The following CNIH3 variants were observed in gnomAD, a reference collection of about 807,000 sequenced individuals.
CNIH3 encodes cornichon family AMPA receptor auxiliary protein 3, also known as protein cornichon homolog 3.
CNIH3 carries 14 observed loss-of-function variants against 24.1 expected under a neutral mutation model. That is an observed-to-expected ratio of 0.58 (90% CI 0.38 to 0.91). CNIH3 has a LOEUF of 0.91. Among genes scored for constraint, CNIH3 ranks in the 40% least tolerant of loss-of-function variants. The pLI, the probability that CNIH3 is intolerant of heterozygous loss-of-function variation, is 0.00. For missense variants in CNIH3, 178 were observed against 196.8 expected (o/e 0.90, Z 0.57); for synonymous variants, 68 against 73.8 (o/e 0.92, Z 0.40).
rs372833361 is a variant in CNIH3, at chr1:224,636,815, AT to A, written c.81+19563del. 3.6e-3 allele frequency among the ~76,000 whole-genome samples: 542 copies of A among 152,314 alleles called. 3 individuals carry two copies. Among genetic ancestry groups the A allele is most frequent in the Non-Finnish European group, 5.2e-3 (353 of 68,030 alleles). The stretch of plus-strand genomic sequence containing the variant: ...CATATAATATTCAGCCAATCTCCAT[AT>A]TTAAGATATTGCTTAGCCCTGAGGA... On this transcript the variant is annotated intron_variant, in intron 1 of 5. Transcript: ENST00000272133.
intron 3 of CNIH3, among the ~76,000 whole-genome samples, chr1:224,727,841 A>C (rs1463356743): frequency 6.6e-6 from 1 of 152,122 alleles, no homozygotes; most frequent in African/African-American, 2.4e-5. Flanking sequence ...TGTTCTAGGC[A>C]TAAGAGGTCA....
chr1:224,633,856 T>C (rs1401911545), intron 1 of CNIH3, among the ~76,000 whole-genome samples: 1 of 152,260 alleles, frequency 6.6e-6, no homozygotes, highest in Non-Finnish European at 1.5e-5. Context: ...TTCGGCTCTT[T>C]GGTTTAATTT....
intron 3 of CNIH3, among the ~76,000 whole-genome samples, chr1:224,557,631 A>G (rs1680197796): frequency 6.6e-6 from 1 of 151,918 alleles, no homozygotes; most frequent in Admixed American, 6.6e-5. Context: ...TAATTTTTGT[A>G]TTTTTAGTAG....
chr1:224,458,318 G>C lies in CNIH3; in HGVS notation n.203+23456G>C, dbSNP rs1202423579. On this transcript the variant is annotated intron_variant and non_coding_transcript_variant, in intron 1 of 5. Transcript: ENST00000471578. The surrounding 1 kb of genome is among the most constrained non-coding windows in gnomAD (Gnocchi z 4.3). ...AAGGCAGCAGTGCTCTGTCAGTATT[G>C]ATTCTTCAGGGGCAGGCTGCCCACT... Among the ~76,000 whole-genome samples, 1 of 152,182 alleles carries C rather than the reference G, an allele frequency of 6.6e-6. No individual in the cohort carries two copies. The highest frequency in any genetic ancestry group is 6.5e-5 in the Admixed American group (1 of 15,282).
At chr1:224,557,496 C>T (rs774527586) in intron 3 of CNIH3, among the ~76,000 whole-genome samples, 8 of 152,016 alleles carry the variant, frequency 5.3e-5, no homozygotes, top group Non-Finnish European at 1.0e-4. Flanking sequence ...GACAGAGTCT[C>T]GCTCTGTCGC....
At chr1:224,445,142 G>A (rs890461830) in intron 1 of CNIH3, among the ~76,000 whole-genome samples, 3 of 152,078 alleles carry the variant, frequency 2.0e-5, no homozygotes, top group African/African-American at 7.2e-5. Context: ...ATGACTAATG[G>A]TGTGTGTATA....
chr1:224,605,652 G>A (rs907292526), intron 3 of CNIH3, among the ~76,000 whole-genome samples: 1 of 152,076 alleles, frequency 6.6e-6, no homozygotes, highest in African/African-American at 2.4e-5. Context: ...TTCTTTTCAG[G>A]TTTTTGCATT....
At chr1:224,709,859 C>T (rs777840798) in intron 3 of CNIH3, among the ~76,000 whole-genome samples, 5 of 152,106 alleles carry the variant, frequency 3.3e-5, no homozygotes, top group Non-Finnish European at 5.9e-5. Context: ...TTCTGAGATC[C>T]CTGGTGGAGA....
chr1:224,568,997 T>A (rs1272845556), intron 4 of CNIH3, among the ~76,000 whole-genome samples: 5 of 152,090 alleles, frequency 3.3e-5, no homozygotes, highest in Non-Finnish European at 7.4e-5. Context: ...CTCAGCCTCC[T>A]GAGTAGCTGG....
At chr1:224,457,668 T>G (rs1026196266) in intron 1 of CNIH3, among the ~76,000 whole-genome samples, 1 of 152,182 alleles carries the variant, frequency 6.6e-6, no homozygotes, top group African/African-American at 2.4e-5. Context: ...CTTGTAACTT[T>G]CCAGTCGTAA....
chr1:224,682,045 C>A (rs373269592), intron 2 of CNIH3, among the ~76,000 whole-genome samples: 1 of 152,070 alleles, frequency 6.6e-6, no homozygotes, highest in Non-Finnish European at 1.5e-5. Context: ...ATGTTTGTGG[C>A]GTCATTCAGC....
intron 3 of CNIH3, among the ~76,000 whole-genome samples, chr1:224,563,460 G>GGTGT (rs55836837): frequency 0.12 from 16,887 of 146,312 alleles, 1,187 homozygotes; most frequent in African/African-American, 0.2. Context: ...TTTTAGACGG[G>GGTGT]GTGTGTGTGT....
In CNIH3 at chr1:224,604,870, G is replaced by A. The variant is rs1299266109; in HGVS notation, n.402+38606G>A. ...GAGGATACACTGGACATTGAACAGT[G>A]AGGAGGGCAGAGAAGAGTTTTACTG... On this transcript the variant is annotated intron_variant and non_coding_transcript_variant, in intron 3 of 7. Transcript: ENST00000478120. This position sits in a 1 kb window ranked among gnomAD's most constrained non-coding sequence, Gnocchi z 4.4. 6.6e-6 allele frequency among the ~76,000 whole-genome samples: 1 copy of A among 152,182 alleles called. No homozygotes were observed. The highest frequency in any genetic ancestry group is 1.5e-5 in the Non-Finnish European group (1 of 68,030).
intron 2 of CNIH3, among the ~76,000 whole-genome samples, chr1:224,529,838 C>T (rs1043738570): frequency 6.6e-6 from 1 of 152,308 alleles, no homozygotes; most frequent in African/African-American, 2.4e-5. Flanking sequence ...ACGGGCTGTA[C>T]CTTCATGCCC....
intron 2 of CNIH3, among the ~76,000 whole-genome samples, chr1:224,535,803 C>A (rs1558139109): frequency 6.6e-6 from 1 of 152,176 alleles, no homozygotes; most frequent in Non-Finnish European, 1.5e-5. Flanking sequence ...GTGAAGGAGG[C>A]AGGGCAAGGG....
intron 3 of CNIH3, among the ~76,000 whole-genome samples, chr1:224,551,308 A>G (rs1679911342): frequency 1.3e-5 from 2 of 152,182 alleles, no homozygotes; most frequent in Non-Finnish European, 2.9e-5. Flanking sequence ...AATAGCAAAG[A>G]CTTGGAATCA....
At chr1:224,461,924 T>G (rs907567167) in intron 1 of CNIH3, among the ~76,000 whole-genome samples, 1 of 152,230 alleles carries the variant, frequency 6.6e-6, no homozygotes, top group Non-Finnish European at 1.5e-5. Context: ...ACTGGCTTCT[T>G]TCACTTAGCA....
chr1:224,435,560 A>G (rs966162831), intron 1 of CNIH3, among the ~76,000 whole-genome samples: 1 of 152,200 alleles, frequency 6.6e-6, no homozygotes, highest in African/African-American at 2.4e-5. Context: ...TCTCTCTTCC[A>G]GCTGCCTCTT....
rs1226018179 is a variant in CNIH3 at position 224,739,219 on chromosome 1, G to C, written c.456-110G>C. 3 of 1,508,720 alleles carry C rather than the reference G, an allele frequency of 2.0e-6. No homozygotes were observed. The East Asian group carries it at 7.3e-5, about 37-fold the overall frequency. 93.5% of individuals were successfully genotyped at this position (1,508,720 alleles called of 1,614,324 possible). A position where few individuals can be genotyped will look rare whatever the true frequency, so the allele number is the denominator to read the frequency against. On this transcript the variant is annotated intron_variant, in intron 5 of 5. Transcript: ENST00000272133. ...TGACAGGAATGAGGGAGAAGCCAAG[G>C]GGTCTGGCCTCTGGAAGGTCCCTCT... is the stretch of plus-strand genomic sequence containing the variant.
Sources: allele counts gnomAD v4.1 joint callset (sites outside exome capture counted in the v4.1 genomes callset), GRCh38; gene constraint gnomAD v4.1.1; non-coding constraint Gnocchi (gnomAD v3.1); transcripts MANE v1.5; gene names NCBI Gene and HGNC (gene_info 2026-07-23, HGNC 2026-07-21).